UBE2H: variants seen among roughly 807,000 people sequenced by gnomAD.
UBE2H encodes ubiquitin-conjugating enzyme E2 H.
A neutral mutation model predicts 29.0 loss-of-function variants in UBE2H; 3 were observed. That is an observed-to-expected ratio of 0.10 (90% CI 0.05 to 0.27). The LOEUF is 0.27. Ranked by LOEUF, UBE2H falls within the 10% of genes least tolerant of loss-of-function variation. UBE2H has a pLI of 1.00. For synonymous variants in UBE2H, 69 were observed against 82.9 expected (o/e 0.83, Z 0.91); for missense variants, 68 against 228.2 (o/e 0.30, Z 4.52).
intron 3 of UBE2H, among the ~76,000 whole-genome samples, chr7:129,863,592 G>A (rs958734452): frequency 2.6e-5 from 4 of 152,140 alleles, no homozygotes; most frequent in Non-Finnish European, 5.9e-5. Context: ...AATTAATTCT[G>A]TAAGGCAGCA....
At chr7:129,930,068 C>T (rs1807356564) in intron 1 of UBE2H, among the ~76,000 whole-genome samples, 1 of 152,182 alleles carries the variant, frequency 6.6e-6, no homozygotes, top group Non-Finnish European at 1.5e-5. Context: ...ACAATTAAAG[C>T]ACATCCTAGA....
chr7:129,856,618 A>G (rs1219027313), intron 5 of UBE2H, among the ~76,000 whole-genome samples: 2 of 152,228 alleles, frequency 1.3e-5, no homozygotes, highest in Non-Finnish European at 2.9e-5. Flanking sequence ...GGTAGACTCT[A>G]TGAAGCCTGA....
At chr7:129,870,219 G>A (rs773072741) in intron 3 of UBE2H, among the ~76,000 whole-genome samples, 3 of 152,000 alleles carry the variant, frequency 2.0e-5, no homozygotes, top group Admixed American at 1.3e-4. Context: ...CGATGGTGGT[G>A]CTCCTGCAAT....
At chr7:129,883,703 G>A (rs779986506) in intron 1 of UBE2H, among the ~76,000 whole-genome samples, 4 of 152,120 alleles carry the variant, frequency 2.6e-5, no homozygotes, top group African/African-American at 7.2e-5. Flanking sequence ...TTAGCTGGGC[G>A]TGGTGGCGGG....
rs532158713 is a variant in UBE2H at position 129,834,053 on chromosome 7, T to C, written c.*884A>G. 2.0e-5 allele frequency: 3 copies of C among 152,034 alleles called. No individual in the cohort carries two copies. The highest frequency in any genetic ancestry group is 4.4e-5 in the Non-Finnish European group (3 of 68,042). 9.4% of individuals were successfully genotyped at this position (152,034 alleles called of 1,614,324 possible). On this transcript the variant is annotated 3_prime_UTR_variant, in exon 7 of 7. Coordinates refer to ENST00000355621, the MANE Select transcript of UBE2H (RefSeq NM_003344.4). Reference sequence around the variant, plus strand: ...AACCCCCCCAGAAACACAACCCTCATATTTAAAGCTCTTAAGTTCAGGGTA... The same window carrying C: ...AACCCCCCCAGAAACACAACCCTCACATTTAAAGCTCTTAAGTTCAGGGTA...
intron 1 of UBE2H, among the ~76,000 whole-genome samples, chr7:129,899,329 T>C (rs184814140): frequency 1.3e-5 from 2 of 152,222 alleles, no homozygotes; most frequent in Non-Finnish European, 2.9e-5. Context: ...AGTTACTTTC[T>C]AACTACCATC....
chr7:129,906,819 CAA>C (rs1806827272), intron 1 of UBE2H, among the ~76,000 whole-genome samples: 1 of 152,130 alleles, frequency 6.6e-6, no homozygotes, highest in Admixed American at 6.5e-5. Context: ...TTGAGAGAAA[CAA>C]AGAAGTTTCT....
At chr7:129,874,061 AAAG>A (rs1172602189) in intron 3 of UBE2H, among the ~76,000 whole-genome samples, 1 of 152,154 alleles carries the variant, frequency 6.6e-6, no homozygotes, top group African/African-American at 2.4e-5. Flanking sequence ...GGCTGCTCTT[AAAG>A]TTATTTACAA....
intron 1 of UBE2H, among the ~76,000 whole-genome samples, chr7:129,945,763 T>C (rs960913433): frequency 1.3e-5 from 2 of 152,020 alleles, no homozygotes; most frequent in African/African-American, 4.8e-5. Flanking sequence ...TTTTTGAGAC[T>C]GAGTTTCGCT....
chr7:129,860,107 G>A (rs2116320908), intron 3 of UBE2H, among the ~76,000 whole-genome samples: 1 of 152,320 alleles, frequency 6.6e-6, no homozygotes, highest in African/African-American at 2.4e-5. Flanking sequence ...AATGGCACTG[G>A]AGGAGGAGCC....
At chr7:129,842,548 C>A (rs962732330) in intron 5 of UBE2H, among the ~76,000 whole-genome samples, 49 of 152,232 alleles carry the variant, frequency 3.2e-4, no homozygotes, top group African/African-American at 1.2e-3. Flanking sequence ...ATTTTCTTAT[C>A]TTTATCCTTG....
chr7:129,929,217 C>T (rs949813820), intron 1 of UBE2H, among the ~76,000 whole-genome samples: 1 of 150,848 alleles, frequency 6.6e-6, no homozygotes, highest in Non-Finnish European at 1.5e-5. Flanking sequence ...CTTGGGGGGC[C>T]GAGGCAGGAG....
chr7:129,884,917 G>C (rs1335237758), intron 1 of UBE2H, among the ~76,000 whole-genome samples: 1 of 152,018 alleles, frequency 6.6e-6, no homozygotes, highest in East Asian at 1.9e-4. Context: ...TATACAATAG[G>C]TGGCTGGCTG....
intron 3 of UBE2H, among the ~76,000 whole-genome samples, chr7:129,869,071 G>A (rs934651199): frequency 6.6e-6 from 1 of 151,838 alleles, no homozygotes; most frequent in African/African-American, 2.4e-5. Flanking sequence ...TGAGTAGCTG[G>A]GATTACAGGC....
chr7:129,945,533 G>C (rs2116529076), intron 1 of UBE2H, among the ~76,000 whole-genome samples: 1 of 152,206 alleles, frequency 6.6e-6, no homozygotes, highest in South Asian at 2.1e-4. Flanking sequence ...CAAAACAAGA[G>C]CCCGCTGAGT....
chr7:129,886,767 TAAAAAAAAAA>T (rs79067201), intron 1 of UBE2H, among the ~76,000 whole-genome samples: 2 of 72,066 alleles, frequency 2.8e-5, no homozygotes, highest in Admixed American at 1.8e-4. Flanking sequence ...TGTTTTTTGG[TAAAAAAAAAA>T]AAAAAAAAAA....
chr7:129,851,224 T>C (rs559631094), intron 5 of UBE2H, among the ~76,000 whole-genome samples: 55 of 152,326 alleles, frequency 3.6e-4, no homozygotes, highest in African/African-American at 7.0e-4. Context: ...TCTTGTTGCA[T>C]TGTCAATCTC....
intron 1 of UBE2H, among the ~76,000 whole-genome samples, chr7:129,934,644 A>T (rs1807483396): frequency 6.6e-6 from 1 of 150,716 alleles, no homozygotes; most frequent in Non-Finnish European, 1.5e-5. Context: ...TCTTTAAAAA[A>T]AAAAAAAAAA....
chr7:129,946,786 T>C (rs936860620), intron 1 of UBE2H, among the ~76,000 whole-genome samples: 1 of 152,244 alleles, frequency 6.6e-6, no homozygotes, highest in African/African-American at 2.4e-5. Context: ...TTGTAACCTA[T>C]GTTTTTCTCA....
Sources: allele counts gnomAD v4.1 joint callset (sites outside exome capture counted in the v4.1 genomes callset), GRCh38; gene constraint gnomAD v4.1.1; transcripts MANE v1.5; gene names NCBI Gene and HGNC (gene_info 2026-07-23, HGNC 2026-07-21).